Variants in BIN1 observed in about 807,000 individuals in gnomAD.
BIN1 encodes the protein myc box-dependent-interacting protein 1.
A neutral mutation model predicts 82.0 loss-of-function variants in BIN1; 53 were observed. That is an observed-to-expected ratio of 0.65 (90% CI 0.52 to 0.81). BIN1 has a LOEUF of 0.81. BIN1 is among the 40% of genes least tolerant of loss of function. BIN1 has a pLI of 0.00. For missense variants in BIN1, 642 were observed against 784.4 expected (o/e 0.82, Z 2.17); for synonymous variants, 302 against 328.0 (o/e 0.92, Z 0.86).
chr2:127,049,840 G>GA (rs1573523591), intron 18 of BIN1, among the ~76,000 whole-genome samples: 2 of 152,342 alleles, frequency 1.3e-5, no homozygotes, highest in East Asian at 3.9e-4. Context: ...TCACTTCCAG[G>GA]AGATTAACAT....
chr2:127,057,450 GGGCCGCGGC>G lies in BIN1; in HGVS notation c.1131+14_1131+22del, dbSNP rs751183383. On this transcript the variant is annotated intron_variant, in intron 12 of 18. Transcript: ENST00000316724. The surrounding 1 kb of genome is among the most constrained non-coding windows in gnomAD (Gnocchi z 5.0). ...GAGAGGGCAGGAAGAGAGGAGAGCT[GGGCCGCGGC>G]GGCCGCGGCTGACCTGGGAGGGGGT... is the stretch of plus-strand genomic sequence containing the variant. The G allele has an allele frequency of 5.2e-6, 8 of 1,540,680 alleles. No individual in the cohort carries two copies. The African/African-American group carries it at 5.5e-5, about 11-fold the overall frequency.
rs765060562 is a variant in BIN1, at chr2:127,048,613, G to A, written c.1695C>T (p.Gly565=). 9.3e-6 allele frequency: 15 copies of A among 1,612,894 alleles called. No homozygotes were observed. In the Admixed American group the frequency reaches 1.5e-4, roughly 16 times the overall value. Residue 565 remains glycine, a synonymous_variant, in exon 19 of 19, where the codon GGC becomes GGT. Coordinates refer to ENST00000316724, the MANE Select transcript of BIN1 (RefSeq NM_139343.3). The stretch of plus-strand genomic sequence containing the variant: ...GCTGGTTCCAGTCGCTCTCCTTCAC[G>A]CCCATGAGCCAGCCTTCATCCTGAG... ...PEEQDEGWLM[G]VKESDWNQHK...
At chr2:127,063,205 A>C (rs978291165) in intron 9 of BIN1, among the ~76,000 whole-genome samples, 6 of 152,248 alleles carry the variant, frequency 3.9e-5, no homozygotes, top group African/African-American at 1.4e-4. Flanking sequence ...TAAAATTGAG[A>C]AAATGCTAGT....
chr2:127,054,285 A>G (rs1683361000), intron 12 of BIN1: 1 of 484,758 alleles, frequency 2.1e-6, no homozygotes, highest in Non-Finnish European at 3.8e-6. Flanking sequence ...CCCGCCTCAA[A>G]CTCCCAGTCA....
At position 127,073,015 on chromosome 2, in the gene BIN1, C is replaced by T. The variant is rs182128703; in HGVS notation, c.166-2199G>A. Among the ~76,000 whole-genome samples, 163 of 152,354 alleles carry T rather than the reference C, an allele frequency of 1.1e-3. 1 individual carries two copies. The highest frequency in any genetic ancestry group is 8.8e-3 in the Admixed American group (134 of 15,310). ...ACCATCCCAGCCACACCTCTCACGC[C>T]GTCCCCACCTCCCCCCCACAGCAGG... On this transcript the variant is annotated intron_variant, in intron 2 of 18. Transcript: ENST00000316724.
chr2:127,081,234 A>C (rs1558856510), intron 1 of BIN1, among the ~76,000 whole-genome samples: 1 of 152,196 alleles, frequency 6.6e-6, no homozygotes, highest in African/African-American at 2.4e-5. Context: ...CTCACCACGT[A>C]CAGCACCCAC....
intron 2 of BIN1, among the ~76,000 whole-genome samples, chr2:127,071,553 A>G (rs924135839): frequency 6.6e-6 from 1 of 152,186 alleles, no homozygotes; most frequent in Non-Finnish European, 1.5e-5. Context: ...CAGTAGAAGC[A>G]TGGGCCAGGC....
rs990007182 is a variant in BIN1 at position 127,067,929 on chromosome 2, C to G, written c.612+234G>C. 6.6e-6 allele frequency among the ~76,000 whole-genome samples: 1 copy of G among 152,158 alleles called. No individual in the cohort carries two copies. The highest frequency in any genetic ancestry group is 1.5e-5 in the Non-Finnish European group (1 of 68,026). On this transcript the variant is annotated intron_variant, in intron 7 of 18. Coordinates refer to ENST00000316724, the MANE Select transcript of BIN1 (RefSeq NM_139343.3). The surrounding 1 kb of genome is among the most constrained non-coding windows in gnomAD (Gnocchi z 4.7). ...CCAGGAATGACCACAGATGCAGCCA[C>G]GGAGCGGGCATAGCTATGCCCCCAC...
intron 1 of BIN1, among the ~76,000 whole-genome samples, chr2:127,088,678 G>A (rs1678502327): frequency 6.6e-6 from 1 of 151,720 alleles, no homozygotes; most frequent in Non-Finnish European, 1.5e-5. Flanking sequence ...TTCAAAAAAT[G>A]CAGTGATCCA....
chr2:127,055,490 A>AACCCAGGGC, intron 12 of BIN1: 1 of 66,844 alleles, frequency 1.5e-5, no homozygotes, highest in Admixed American at 2.1e-4. Context: ...AACCCAGGGC[A>AACCCAGGGC]GGGAGGTCAC....
intron 1 of BIN1, among the ~76,000 whole-genome samples, chr2:127,080,118 G>A (rs1207628711): frequency 2.6e-5 from 4 of 152,258 alleles, no homozygotes; most frequent in Admixed American, 6.5e-5. Flanking sequence ...TCATCCATGA[G>A]GGAACGCAGG....
At chr2:127,051,644 T>C (rs1682964561) in intron 15 of BIN1, among the ~76,000 whole-genome samples, 1 of 152,110 alleles carries the variant, frequency 6.6e-6, no homozygotes, top group African/African-American at 2.4e-5. Context: ...CTATAGATAG[T>C]CCATGGCAGG....
At chr2:127,104,280 C>A (rs1680730354) in intron 1 of BIN1, among the ~76,000 whole-genome samples, 1 of 152,196 alleles carries the variant, frequency 6.6e-6, no homozygotes, top group Non-Finnish European at 1.5e-5. Context: ...TGTGCCCTGC[C>A]GTGCCCTCAG....
In BIN1 at chr2:127,070,752, T is replaced by C; in HGVS notation, c.220+10A>G. ...CTACACGGGCCAGGTGCGCTCTGCC[T>C]GCCTCCTACCTTTGACGGAGGCCAG... On this transcript the variant is annotated intron_variant, in intron 3 of 18. Transcript: ENST00000316724. 6.2e-7 allele frequency: 1 copy of C among 1,613,898 alleles called. No homozygotes were observed. Among genetic ancestry groups the C allele is most frequent in the Non-Finnish European group, 8.5e-7 (1 of 1,180,002 alleles).
At chr2:127,076,816 C>G in intron 1 of BIN1, 110 bp from the exon 2 acceptor site, 1 of 1,259,486 alleles carries the variant, frequency 7.9e-7, no homozygotes, top group Non-Finnish European at 1.2e-6. Context: ...AGTCTCTAGC[C>G]AACATCACCC....
chr2:127,050,391 T>G, intron 18 of BIN1, 30 bp downstream of exon 18: 1 of 1,612,062 alleles, frequency 6.2e-7, no homozygotes, highest in Non-Finnish European at 8.5e-7. Context: ...GTGGTCCCCC[T>G]GCGCTCTGGC....
intron 1 of BIN1, among the ~76,000 whole-genome samples, chr2:127,080,232 C>G (rs1455545444): frequency 6.6e-6 from 1 of 152,238 alleles, no homozygotes; most frequent in Non-Finnish European, 1.5e-5. Flanking sequence ...GGGACAAGGC[C>G]GTGAGCCCTG....
intron 17 of BIN1, 136 bp from the exon 18 acceptor site, chr2:127,050,658 G>A: frequency 2.3e-6 from 3 of 1,308,336 alleles, no homozygotes; most frequent in Non-Finnish European, 3.3e-6. Flanking sequence ...ACAGTATGGG[G>A]CTCAGATGCC....
rs904757149 is a variant in BIN1, at chr2:127,059,971, G to A, written c.858-816C>T. Among the ~76,000 whole-genome samples, 5 of 152,160 alleles carry A rather than the reference G, an allele frequency of 3.3e-5. No individual in the cohort carries two copies. The highest frequency in any genetic ancestry group is 4.8e-5 in the African/African-American group (2 of 41,414). ...GCAAACTCAAAGCAATGAAATTTAC[G>A]TGTAATTCAAATGAAAAGTTCCGCT... On this transcript the variant is annotated intron_variant, in intron 10 of 18. Coordinates refer to ENST00000316724, the MANE Select transcript of BIN1 (RefSeq NM_139343.3). The surrounding 1 kb of genome is among the most constrained non-coding windows in gnomAD (Gnocchi z 6.7).
Sources: gnomAD v4.1 joint callset for allele counts (sites outside exome capture counted in the v4.1 genomes callset) on GRCh38, gnomAD v4.1.1 for gene constraint, Gnocchi (gnomAD v3.1) non-coding constraint, MANE v1.5 for transcripts, NCBI Gene and HGNC (gene_info 2026-07-23, HGNC 2026-07-21) for gene names.